Variants in ARHGEF6 observed in about 807,000 individuals in gnomAD.
ARHGEF6 encodes the protein rho guanine nucleotide exchange factor 6.
Under a neutral mutation model 70.3 loss-of-function variants are expected in ARHGEF6, and 9 were observed. The observed-to-expected ratio is 0.13, with a 90% CI of 0.08 to 0.22. The LOEUF is 0.22. Ranked by LOEUF, ARHGEF6 falls within the 10% of genes least tolerant of loss-of-function variation. The probability of loss-of-function intolerance (pLI) is 1.00; values close to 1 mark genes in which losing one functional copy is unlikely to be tolerated. For synonymous variants in ARHGEF6, 201 were observed against 207.8 expected, an observed-to-expected ratio of 0.97 and a Z score of 0.28; for missense variants, 470 against 563.0, an observed-to-expected ratio of 0.83 and a Z score of 1.67.
chrX:136,779,305 T>C (rs1603358950), intron 2 of ARHGEF6, 109 bp downstream of exon 2: 2 of 726,386 alleles, frequency 2.8e-6, no homozygotes, highest in Non-Finnish European at 4.4e-6. Context: ...TACCTCTGTT[T>C]AACTCAGTGG....
chrX:136,762,006 C>T (rs1010102707), intron 2 of ARHGEF6, among the ~76,000 whole-genome samples: 16 of 111,255 alleles, frequency 1.4e-4, no homozygotes, highest in Non-Finnish European at 2.4e-4. Context: ...CCTCCGCCTC[C>T]CGGGTTCAAG....
At chrX:136,776,996 G>A (rs1333741906) in intron 2 of ARHGEF6, among the ~76,000 whole-genome samples, 9 of 112,007 alleles carry the variant, frequency 8.0e-5, no homozygotes, top group Non-Finnish European at 1.5e-4. Flanking sequence ...AGACCCAGGC[G>A]GGCGGATCAC....
intron 9 of ARHGEF6, among the ~76,000 whole-genome samples, chrX:136,699,033 A>C (rs2076538814): frequency 8.9e-6 from 1 of 112,107 alleles, no homozygotes; most frequent in Non-Finnish European, 1.9e-5. Flanking sequence ...AATACCAGAT[A>C]GTAACACAAA....
intron 9 of ARHGEF6, 29 bp from the exon 10 acceptor site, chrX:136,690,777 A>G (rs2076450378): frequency 8.5e-7 from 1 of 1,178,019 alleles, no homozygotes; most frequent in Middle Eastern, 2.3e-4. Flanking sequence ...TAATTTTGTT[A>G]CTGTTGAATA....
At chrX:136,746,816 G>A (rs754902370) in intron 3 of ARHGEF6, among the ~76,000 whole-genome samples, 31 of 111,339 alleles carry the variant, frequency 2.8e-4, no homozygotes, top group Non-Finnish European at 5.1e-4. Context: ...CCCCAGTGTT[G>A]TTTCAAGGAT....
intron 9 of ARHGEF6, among the ~76,000 whole-genome samples, chrX:136,705,878 TTC>T (rs1259642059): frequency 8.9e-6 from 1 of 112,423 alleles, no homozygotes; most frequent in Non-Finnish European, 1.9e-5. Flanking sequence ...GAACCAAAAT[TTC>T]TGTCATTTCT....
intron 2 of ARHGEF6, among the ~76,000 whole-genome samples, chrX:136,759,520 C>T (rs1164485052): frequency 2.7e-5 from 3 of 109,346 alleles, no homozygotes; most frequent in Non-Finnish European, 5.7e-5. Flanking sequence ...ATCCCAGCTA[C>T]TTGGGAGGCT....
intron 2 of ARHGEF6, among the ~76,000 whole-genome samples, chrX:136,772,460 TG>T (rs2077370280): frequency 8.9e-6 from 1 of 112,624 alleles, no homozygotes; most frequent in African/African-American, 3.2e-5. Context: ...CCACTCTCCA[TG>T]ATGGGATTAT....
intron 7 of ARHGEF6, among the ~76,000 whole-genome samples, chrX:136,709,869 G>A (rs1228816788): frequency 1.8e-5 from 2 of 112,239 alleles, no homozygotes; most frequent in Non-Finnish European, 3.8e-5. Context: ...GGGAGGCTGA[G>A]GCAGAAGAAT....
chrX:136,761,998 T>C (rs1057068663), intron 2 of ARHGEF6, among the ~76,000 whole-genome samples: 2 of 110,934 alleles, frequency 1.8e-5, no homozygotes, highest in African/African-American at 6.6e-5. Context: ...CACTGCAACC[T>C]CCGCCTCCCG....
Position 136,685,602 on chromosome X carries a change from G to A in ARHGEF6, c.1392+75C>T, listed in dbSNP as rs1473036780. ...AGCCTGAGTGACAGAACAAGACTCC[G>A]TCAAAAAAAAAAAAAAAAAAGGAAG... On this transcript the variant is annotated intron_variant, in intron 12 of 21. Coordinates refer to ENST00000250617, the MANE Select transcript of ARHGEF6 (RefSeq NM_004840.3). 41 of 875,617 alleles carry A rather than the reference G, an allele frequency of 4.7e-5. No individual in the cohort carries two copies. The Admixed American group carries it at 5.2e-4, about 11-fold the overall frequency. 72.2% of individuals were successfully genotyped at this position (875,617 alleles called of 1,213,427 possible).
chrX:136,769,194 T>C (rs1603356315), intron 2 of ARHGEF6, among the ~76,000 whole-genome samples: 1 of 111,576 alleles, frequency 9.0e-6, no homozygotes, highest in Non-Finnish European at 1.9e-5. Context: ...GGTGGATCAC[T>C]TGAGGTCAGG....
chrX:136,718,598 A>G, intron 6 of ARHGEF6, among the ~76,000 whole-genome samples: 1 of 111,773 alleles, frequency 8.9e-6, no homozygotes, highest in Non-Finnish European at 1.9e-5. Context: ...AACAATTATG[A>G]AAAACTGTTA....
intron 12 of ARHGEF6, 130 bp from the exon 13 acceptor site, chrX:136,682,974 TA>T: frequency 1.9e-6 from 1 of 525,389 alleles, no homozygotes; most frequent in Non-Finnish European, 3.1e-6. Flanking sequence ...ATTTTTTTTT[TA>T]AAAAAGATAC....
chrX:136,732,474 C>T (rs1487990153), intron 5 of ARHGEF6, among the ~76,000 whole-genome samples: 1 of 112,327 alleles, frequency 8.9e-6, no homozygotes, highest in Non-Finnish European at 1.9e-5. Flanking sequence ...CTCCATTCAA[C>T]TTATTCAAAA....
chrX:136,761,263 T>C (rs968107817), intron 2 of ARHGEF6, among the ~76,000 whole-genome samples: 2 of 111,828 alleles, frequency 1.8e-5, no homozygotes, highest in East Asian at 5.5e-4. Context: ...GACAATAAGC[T>C]AGGGAAAGAA....
intron 2 of ARHGEF6, among the ~76,000 whole-genome samples, chrX:136,752,664 G>A (rs866904980): frequency 1.1e-4 from 12 of 111,925 alleles, no homozygotes; most frequent in Middle Eastern, 4.6e-3. Context: ...TTTAAGGTTG[G>A]GGGTGATTAT....
At chrX:136,700,954 T>C (rs910222700) in intron 9 of ARHGEF6, among the ~76,000 whole-genome samples, 2 of 111,725 alleles carry the variant, frequency 1.8e-5, no homozygotes, top group African/African-American at 6.5e-5. Flanking sequence ...CAAAAGAAAA[T>C]GCCTGAAATA....
chrX:136,713,469 C>A, intron 6 of ARHGEF6, 99 bp from the exon 7 acceptor site: 1 of 610,496 alleles, frequency 1.6e-6, no homozygotes, highest in South Asian at 2.5e-5. Context: ...AAAAAAGGTC[C>A]TATTTACTCA....
Sources: allele counts gnomAD v4.1 joint callset (sites outside exome capture counted in the v4.1 genomes callset), GRCh38; gene constraint gnomAD v4.1.1; transcripts MANE v1.5; gene names NCBI Gene and HGNC (gene_info 2026-07-23, HGNC 2026-07-21).